CAMK2G: variants seen among roughly 807,000 people sequenced by gnomAD.
CAMK2G encodes the protein calcium/calmodulin-dependent protein kinase type II subunit gamma.
Under a neutral mutation model 88.7 loss-of-function variants are expected in CAMK2G, and 23 were observed. That is an observed-to-expected ratio of 0.26 (90% CI 0.19 to 0.37). The LOEUF (loss-of-function observed/expected upper bound fraction) is 0.37. Among genes scored for constraint, CAMK2G ranks in the 10% least tolerant of loss-of-function variants. The pLI, the probability that CAMK2G is intolerant of heterozygous loss-of-function variation, is 1.00. For missense variants in CAMK2G, 476 were observed against 780.8 expected (o/e 0.61, Z 4.65); for synonymous variants, 263 against 294.8 (o/e 0.89, Z 1.11).
In CAMK2G at chr10:73,850,981, C is replaced by T. The variant is rs543347743; in HGVS notation, c.341+1273G>A. Among the ~76,000 whole-genome samples, 8 of 152,346 alleles carry T rather than the reference C, an allele frequency of 5.3e-5. No individual in the cohort carries two copies. The East Asian group carries it at 5.8e-4, about 11-fold the overall frequency. On this transcript the variant is annotated intron_variant, in intron 5 of 22. Coordinates refer to ENST00000423381, the MANE Select transcript of CAMK2G (RefSeq NM_001367534.1). ...AAGCCCACTGGTACAGTCACCCCCC[C>T]TCAGGGCCCCCTCCCTATAGCTCTC... is the stretch of plus-strand genomic sequence containing the variant.
intron 4 of CAMK2G, 74 bp downstream of exon 4, chr10:73,853,118 A>C (rs1288202614): frequency 4.3e-6 from 6 of 1,384,902 alleles, no homozygotes; most frequent in Non-Finnish European, 6.2e-6. Flanking sequence ...GAGCCTGTTT[A>C]GGCCTCTTCC....
At chr10:73,853,805 C>T (rs2094822013) in intron 3 of CAMK2G, among the ~76,000 whole-genome samples, 1 of 152,194 alleles carries the variant, frequency 6.6e-6, no homozygotes, top group Non-Finnish European at 1.5e-5. Context: ...TTATTAAGTG[C>T]TTACTATGCC....
chr10:73,829,850 G>T (rs2092107037), intron 14 of CAMK2G, among the ~76,000 whole-genome samples: 1 of 152,074 alleles, frequency 6.6e-6, no homozygotes, highest in Admixed American at 6.6e-5. Flanking sequence ...TTAGCATACA[G>T]GCGACGAAAG....
intron 14 of CAMK2G, among the ~76,000 whole-genome samples, chr10:73,835,185 G>A (rs2093045007): frequency 6.6e-6 from 1 of 152,126 alleles, no homozygotes; most frequent in East Asian, 1.9e-4. Context: ...ACACCTCCCT[G>A]AGACCTTAGC....
intron 10 of CAMK2G, among the ~76,000 whole-genome samples, chr10:73,846,064 C>G (rs2094218061): frequency 6.6e-6 from 1 of 152,148 alleles, no homozygotes; most frequent in African/African-American, 2.4e-5. Context: ...ACTACAGGCA[C>G]ATGCCACCAT....
chr10:73,844,327 G>C (rs2094060500), intron 10 of CAMK2G, among the ~76,000 whole-genome samples: 1 of 151,962 alleles, frequency 6.6e-6, no homozygotes, highest in Non-Finnish European at 1.5e-5. Flanking sequence ...CCGGGCTCAA[G>C]TGATCTACCT....
intron 3 of CAMK2G, among the ~76,000 whole-genome samples, chr10:73,855,877 T>C (rs141317394): frequency 6.6e-6 from 1 of 152,274 alleles, no homozygotes; most frequent in Non-Finnish European, 1.5e-5. Flanking sequence ...AACAGGACAC[T>C]GAAGACAAGA....
Position 73,868,662 on chromosome 10 carries a change from C to T in CAMK2G, c.160+4327G>A, listed in dbSNP as rs934440833. ...AGTGCTGTGTGGATTTCTCTTCCTT[C>T]TCCCACTCCCTGCATTACTGCTTCC... On this transcript the variant is annotated intron_variant, in intron 2 of 22. Transcript: ENST00000423381. 3.3e-5 allele frequency among the ~76,000 whole-genome samples: 5 copies of T among 152,188 alleles called. No individual in the cohort carries two copies. In the South Asian group the frequency reaches 1.0e-3, roughly 31 times the overall value.
At chr10:73,844,407 A>G (rs1467621191) in intron 10 of CAMK2G, among the ~76,000 whole-genome samples, 1 of 151,600 alleles carries the variant, frequency 6.6e-6, no homozygotes, top group South Asian at 2.1e-4. Flanking sequence ...ATCTTTAAAA[A>G]GAAATTTTTT....
In CAMK2G at chr10:73,842,414, A is replaced by T; in HGVS notation, c.903+44T>A. On this transcript the variant is annotated intron_variant, in intron 11 of 22. Coordinates refer to ENST00000423381, the MANE Select transcript of CAMK2G (RefSeq NM_001367534.1). This position sits in a 1 kb window ranked among gnomAD's most constrained non-coding sequence, Gnocchi z 4.6. Reference sequence around the variant, plus strand: ...ATGGGGCAGGAGCCACACTGGTGCAAGGCATGATGTCAAGGAGGCTGGCAG... The same window carrying T: ...ATGGGGCAGGAGCCACACTGGTGCATGGCATGATGTCAAGGAGGCTGGCAG... The T allele has an allele frequency of 7.0e-7, 1 of 1,419,054 alleles. No homozygotes were observed. The highest frequency in any genetic ancestry group is 1.0e-6 in the Non-Finnish European group (1 of 1,001,892). The allele number at this position is 1,419,054 out of a possible 1,614,324, so 87.9% of individuals were successfully genotyped here.
chr10:73,874,462 G>T lies in CAMK2G; in HGVS notation c.-1C>A. Reference sequence around the variant, plus strand: ...GGGTGCAGGTGGCGGTGGTGGCCATGCTGGCGGGCGGGCGGACGCGGCGGT... The same window carrying T: ...GGGTGCAGGTGGCGGTGGTGGCCATTCTGGCGGGCGGGCGGACGCGGCGGT... On this transcript the variant is annotated 5_prime_UTR_variant, in exon 1 of 23. Coordinates refer to ENST00000423381, the MANE Select transcript of CAMK2G (RefSeq NM_001367534.1). 6.7e-7 allele frequency: 1 copy of T among 1,499,984 alleles called. No individual in the cohort carries two copies. The highest frequency in any genetic ancestry group is 1.8e-4 in the Middle Eastern group (1 of 5,484). The allele number at this position is 1,499,984 out of a possible 1,614,324, so 92.9% of individuals were successfully genotyped here. A position where few individuals can be genotyped will look rare whatever the true frequency, so the allele number is the denominator to read the frequency against.
chr10:73,859,379 T>A (rs1245220157), intron 3 of CAMK2G, among the ~76,000 whole-genome samples: 1 of 152,230 alleles, frequency 6.6e-6, no homozygotes, highest in Non-Finnish European at 1.5e-5. Flanking sequence ...GATTTTTTCT[T>A]TTTTCAAAAT....
rs983771418 is a variant in CAMK2G at position 73,812,946 on chromosome 10, TGCTCTCTTCTCAGCTG to T, written c.*1556_*1571del. 6.5e-6 allele frequency: 1 copy of T among 152,766 alleles called. No individual in the cohort carries two copies. The highest frequency in any genetic ancestry group is 1.5e-5 in the Non-Finnish European group (1 of 68,092). 9.5% of individuals were successfully genotyped at this position (152,766 alleles called of 1,614,324 possible). The stretch of plus-strand genomic sequence containing the variant: ...ATCCAAGCACCAGCACCTGTGAGTC[TGCTCTCTTCTCAGCTG>T]GCTCCCAAGTAAACCTGTAGCTTTG... On this transcript the variant is annotated 3_prime_UTR_variant, in exon 23 of 23. Transcript: ENST00000423381.
chr10:73,860,229 C>A (rs931644514), intron 3 of CAMK2G, among the ~76,000 whole-genome samples: 3 of 152,190 alleles, frequency 2.0e-5, no homozygotes, highest in African/African-American at 7.2e-5. Flanking sequence ...TTTAGCACAA[C>A]CAACAATGTG....
At chr10:73,873,130 T>C (rs776317326) in intron 1 of CAMK2G, 47 bp from the exon 2 acceptor site, 1 of 1,312,850 alleles carries the variant, frequency 7.6e-7, no homozygotes, top group South Asian at 1.2e-5. Context: ...CAGGGCAGAG[T>C]GACACAGACA....
intron 20 of CAMK2G, 90 bp from the exon 21 acceptor site, chr10:73,817,207 A>AGGC: frequency 5.9e-6 from 9 of 1,513,438 alleles, no homozygotes; most frequent in Non-Finnish European, 8.0e-6. Context: ...CAGTAGCAGC[A>AGGC]GGCTACCTGT....
chr10:73,842,107 A>T lies in CAMK2G; in HGVS notation c.946+62T>A. ...GAAACCCAGCGGTGCCCGGGATGGCAACAGCCCATTCCTGATCCACTCACC... is the reference window on the plus strand; with the variant it reads ...GAAACCCAGCGGTGCCCGGGATGGCTACAGCCCATTCCTGATCCACTCACC... On this transcript the variant is annotated intron_variant, in intron 12 of 22. Transcript: ENST00000423381. The surrounding 1 kb of genome is among the most constrained non-coding windows in gnomAD (Gnocchi z 4.6). 1 of 1,355,526 alleles carries T rather than the reference A, an allele frequency of 7.4e-7. No individual in the cohort carries two copies. Among genetic ancestry groups the T allele is most frequent in the South Asian group, 1.2e-5 (1 of 86,034 alleles). 84.0% of individuals were successfully genotyped at this position (1,355,526 alleles called of 1,614,324 possible).
chr10:73,870,357 C>T (rs1005212892), intron 2 of CAMK2G, among the ~76,000 whole-genome samples: 5 of 152,164 alleles, frequency 3.3e-5, no homozygotes, highest in African/African-American at 1.2e-4. Context: ...TAGACAGGCC[C>T]GCAGACAAAG....
chr10:73,825,465 T>G (rs1453199358), intron 15 of CAMK2G, 118 bp from the exon 16 acceptor site: 1 of 751,742 alleles, frequency 1.3e-6, no homozygotes, highest in Non-Finnish European at 2.4e-6. Flanking sequence ...TGAGGTGGCC[T>G]CCATAACGCT....
Sources: allele counts gnomAD v4.1 joint callset (sites outside exome capture counted in the v4.1 genomes callset), GRCh38; gene constraint gnomAD v4.1.1; non-coding constraint Gnocchi (gnomAD v3.1); transcripts MANE v1.5; gene names NCBI Gene and HGNC (gene_info 2026-07-23, HGNC 2026-07-21).